KCNQ3: variants seen among roughly 807,000 people sequenced by gnomAD.
The protein encoded by KCNQ3 is potassium voltage-gated channel subfamily Q member 3.
KCNQ3 carries 30 observed loss-of-function variants against 92.5 expected under a neutral mutation model. That is an observed-to-expected ratio of 0.32 (90% CI 0.24 to 0.44). The LOEUF is 0.44. Among genes scored for constraint, KCNQ3 ranks in the 20% least tolerant of loss-of-function variants. The probability of loss-of-function intolerance (pLI) is 1.00; values close to 1 mark genes in which losing one functional copy is unlikely to be tolerated. For missense variants in KCNQ3, 913 were observed against 1,140.3 expected, an observed-to-expected ratio of 0.80 and a Z score of 2.87; for synonymous variants, 450 against 468.8, an observed-to-expected ratio of 0.96 and a Z score of 0.52.
intron 1 of KCNQ3, among the ~76,000 whole-genome samples, chr8:132,342,800 T>C (rs1341685510): frequency 6.6e-6 from 1 of 152,264 alleles, no homozygotes; most frequent in African/African-American, 2.4e-5. Flanking sequence ...TTTCAATAGT[T>C]CTGAAGTATG....
intron 1 of KCNQ3, among the ~76,000 whole-genome samples, chr8:132,323,722 T>C (rs572990294): frequency 8.8e-4 from 134 of 152,296 alleles, no homozygotes; most frequent in African/African-American, 3.0e-3. Context: ...TTCATAGCCC[T>C]GCTGTAGTGG....
intron 11 of KCNQ3, among the ~76,000 whole-genome samples, chr8:132,138,784 T>C (rs1825188969): frequency 1.3e-5 from 2 of 152,230 alleles, no homozygotes; most frequent in South Asian, 2.1e-4. Context: ...GTCGTTTTAA[T>C]GGTGCATTCA....
chr8:132,175,394 C>T, intron 5 of KCNQ3, 59 bp downstream of exon 5: 1 of 1,586,034 alleles, frequency 6.3e-7, no homozygotes, highest in Non-Finnish European at 8.7e-7. Flanking sequence ...ATGCCCTCCA[C>T]CTCTCTCTGA....
chr8:132,384,785 C>A (rs1586974697), intron 1 of KCNQ3, among the ~76,000 whole-genome samples: 1 of 152,214 alleles, frequency 6.6e-6, no homozygotes, highest in Non-Finnish European at 1.5e-5. Flanking sequence ...AATTCTGCTA[C>A]TCTATGTCTA....
intron 1 of KCNQ3, among the ~76,000 whole-genome samples, chr8:132,389,262 G>T (rs925108099): frequency 2.0e-5 from 3 of 152,136 alleles, no homozygotes; most frequent in African/African-American, 7.2e-5. Context: ...TTTGAGGCCA[G>T]CCTAGCCAAC....
intron 1 of KCNQ3, among the ~76,000 whole-genome samples, chr8:132,355,927 A>T (rs1819007806): frequency 6.6e-6 from 1 of 152,226 alleles, no homozygotes; most frequent in South Asian, 2.1e-4. Flanking sequence ...TTACTCGGGG[A>T]GAGTCAAATA....
At chr8:132,327,496 G>C (rs1340936209) in intron 1 of KCNQ3, among the ~76,000 whole-genome samples, 1 of 152,114 alleles carries the variant, frequency 6.6e-6, no homozygotes, top group African/African-American at 2.4e-5. Context: ...GATACCCAGG[G>C]ACCCTGTCCT....
intron 1 of KCNQ3, among the ~76,000 whole-genome samples, chr8:132,272,092 C>T (rs1816165509): frequency 6.6e-6 from 1 of 152,202 alleles, no homozygotes; most frequent in South Asian, 2.1e-4. Context: ...CTCTCTCTTA[C>T]TACGTCTAGG....
rs1824455645 is a variant in KCNQ3 at position 132,121,133 on chromosome 8, C to T, written c.*8129G>A. ...CCTACTCGTAGCACAGAGACAAACC[C>T]AGGGAGCAAGGCACCAGAATTCTAT... On this transcript the variant is annotated 3_prime_UTR_variant, in exon 15 of 15. Coordinates refer to ENST00000388996, the MANE Select transcript of KCNQ3 (RefSeq NM_004519.4). The T allele has an allele frequency of 1.3e-5, 2 of 152,114 alleles. No homozygotes were observed. Among genetic ancestry groups the T allele is most frequent in the Non-Finnish European group, 2.9e-5 (2 of 68,014 alleles). 9.4% of individuals were successfully genotyped at this position (152,114 alleles called of 1,614,324 possible).
Position 132,124,227 on chromosome 8 carries a change from A to C in KCNQ3, c.*5035T>G, listed in dbSNP as rs1300418781. The C allele has an allele frequency of 1.3e-5, 2 of 152,186 alleles. No homozygotes were observed. Among genetic ancestry groups the C allele is most frequent in the Non-Finnish European group, 2.9e-5 (2 of 68,048 alleles). 9.4% of individuals were successfully genotyped at this position (152,186 alleles called of 1,614,324 possible). On this transcript the variant is annotated 3_prime_UTR_variant, in exon 15 of 15. Coordinates refer to ENST00000388996, the MANE Select transcript of KCNQ3 (RefSeq NM_004519.4). ...TTATTTAAAAAGCAATTGTGAAAGC[A>C]TTTGATTTAATAATTAGGATTGTTT...
chr8:132,387,331 C>T (rs1005174527), intron 1 of KCNQ3, among the ~76,000 whole-genome samples: 8 of 152,296 alleles, frequency 5.3e-5, no homozygotes, highest in Admixed American at 4.6e-4. Context: ...TAATAGATAT[C>T]TAACTGGTAA....
chr8:132,268,625 C>T (rs1055058788), intron 1 of KCNQ3, among the ~76,000 whole-genome samples: 1 of 152,230 alleles, frequency 6.6e-6, no homozygotes, highest in African/African-American at 2.4e-5. Flanking sequence ...TTTATCCACT[C>T]ATCTACTGAA....
At chr8:132,182,881 C>T (rs889717201) in intron 3 of KCNQ3, among the ~76,000 whole-genome samples, 6 of 129,418 alleles carry the variant, frequency 4.6e-5, no homozygotes, top group South Asian at 2.4e-4. Flanking sequence ...CCTCCAATAT[C>T]GCACACACAC....
chr8:132,186,927 T>TGAGAGAGAGAGA (rs1259312197), intron 1 of KCNQ3, among the ~76,000 whole-genome samples: 3 of 85,114 alleles, frequency 3.5e-5, no homozygotes, highest in South Asian at 3.7e-4. Context: ...TGTGTGTGTG[T>TGAGAGAGAGAGA]GTGTGTGAGA....
At chr8:132,150,767 G>C (rs1043462778) in intron 9 of KCNQ3, among the ~76,000 whole-genome samples, 2 of 151,830 alleles carry the variant, frequency 1.3e-5, no homozygotes, top group African/African-American at 2.4e-5. Context: ...CCAAATAGGA[G>C]ATTGGCAAAC....
intron 1 of KCNQ3, among the ~76,000 whole-genome samples, chr8:132,237,463 C>A (rs536864931): frequency 1.3e-5 from 2 of 152,284 alleles, no homozygotes. Flanking sequence ...TTAATTATGT[C>A]ATTGGCCCAA....
intron 1 of KCNQ3, among the ~76,000 whole-genome samples, chr8:132,304,663 T>G (rs1032259536): frequency 6.6e-6 from 1 of 152,212 alleles, no homozygotes; most frequent in Non-Finnish European, 1.5e-5. Flanking sequence ...AGGACCATAT[T>G]GGACAGTGCA....
At chr8:132,470,689 A>ATATAATG (rs1370658846) in intron 1 of KCNQ3, among the ~76,000 whole-genome samples, 2 of 152,228 alleles carry the variant, frequency 1.3e-5, no homozygotes, top group African/African-American at 4.8e-5. Flanking sequence ...AATTATCCTT[A>ATATAATG]TATAATGTCC....
chr8:132,361,617 A>C (rs947340616), intron 1 of KCNQ3, among the ~76,000 whole-genome samples: 6 of 152,330 alleles, frequency 3.9e-5, no homozygotes, highest in Non-Finnish European at 5.9e-5. Flanking sequence ...TAAAATGAAA[A>C]GGTTAAAAGA....
Sources: allele counts gnomAD v4.1 joint callset (sites outside exome capture counted in the v4.1 genomes callset), GRCh38; gene constraint gnomAD v4.1.1; transcripts MANE v1.5; gene names NCBI Gene and HGNC (gene_info 2026-07-23, HGNC 2026-07-21).